Variants in SULT1C2 observed in about 807,000 individuals in gnomAD.
SULT1C2 encodes the protein sulfotransferase 1C2.
Under a neutral mutation model 36.0 loss-of-function variants are expected in SULT1C2, and 27 were observed. The ratio of observed to expected loss-of-function variants is 0.75; its 90% CI spans 0.55 to 1.03. SULT1C2 has a LOEUF of 1.03. Ranked by LOEUF, SULT1C2 falls within the 50% of genes least tolerant of loss-of-function variation. The pLI, the probability that SULT1C2 is intolerant of heterozygous loss-of-function variation, is 0.00. For synonymous variants in SULT1C2, 121 were observed against 116.0 expected (o/e 1.04, Z -0.27); for missense variants, 395 against 359.2 (o/e 1.10, Z -0.80).
intron 1 of SULT1C2, among the ~76,000 whole-genome samples, chr2:108,292,393 AACACACACACACACACAC>A (rs66462427): frequency 8.5e-4 from 113 of 133,452 alleles, no homozygotes; most frequent in African/African-American, 2.6e-3. Context: ...CAACAATGAC[AACACACACACACACACAC>A]ACACACACAC....
In SULT1C2 at chr2:108,300,529, G is replaced by C. The variant is rs4149424; in HGVS notation, c.278-309G>C. 3,909 of 406,058 alleles carry C rather than the reference G, an allele frequency of 9.6e-3. 100 individuals are homozygous for C. The highest frequency in any genetic ancestry group is 0.074 in the East Asian group (2,008 of 27,226). The allele number at this position is 406,058 out of a possible 1,614,324, so 25.2% of individuals were successfully genotyped here. ...ATCTCTGGCTGGCAGGAAGGTGAGG[G>C]AGTCCTCTCTTCTCTGGTCCTGGCT... On this transcript the variant is annotated intron_variant, in intron 3 of 7. Transcript: ENST00000251481.
At chr2:108,300,347 C>T in intron 3 of SULT1C2, 1 of 155,002 alleles carries the variant, frequency 6.5e-6, no homozygotes, top group Non-Finnish European at 1.4e-5. Context: ...CACTGCACTC[C>T]AGCCTGGTGA....
intron 7 of SULT1C2, among the ~76,000 whole-genome samples, chr2:108,307,848 T>C (rs1188359298): frequency 2.0e-5 from 3 of 152,124 alleles, no homozygotes; most frequent in African/African-American, 4.8e-5. Context: ...CCCAGAAAGT[T>C]CCCTCTTGTG....
chr2:108,290,418 G>A (rs114838385), intron 1 of SULT1C2, among the ~76,000 whole-genome samples: 1,801 of 152,244 alleles, frequency 0.012, 45 homozygotes, highest in African/African-American at 0.039. Context: ...TATGAATTAG[G>A]ACTTCAACAT....
chr2:108,305,273 G>A lies in SULT1C2; in HGVS notation c.597+7G>A, dbSNP rs769156357. The A allele has an allele frequency of 3.3e-5, 53 of 1,614,048 alleles. No individual in the cohort carries two copies. The highest frequency in any genetic ancestry group is 4.4e-5 in the Non-Finnish European group (52 of 1,180,026). ...CTATGAGGACATAAAGAGGGTGAGT[G>A]AAGGCTCTGCAGAAGAACCATTTTA... On this transcript the variant is annotated splice_region_variant and intron_variant, in intron 6 of 7. Transcript: ENST00000251481.
rs1306268131 is a variant in SULT1C2, at chr2:108,289,047, C to G, written c.-45C>G. The G allele has an allele frequency of 6.6e-6, 1 of 152,624 alleles. No homozygotes were observed. The highest frequency in any genetic ancestry group is 1.5e-5 in the Non-Finnish European group (1 of 68,042). 9.5% of individuals were successfully genotyped at this position (152,624 alleles called of 1,614,324 possible). On this transcript the variant is annotated 5_prime_UTR_variant, in exon 1 of 8. Transcript: ENST00000251481. The stretch of plus-strand genomic sequence containing the variant: ...GACCCTTGAGTGGGCCTTTGAGCTG[C>G]TGACTTTCAGCTGGAACTTGAAGGT...
intron 1 of SULT1C2, among the ~76,000 whole-genome samples, chr2:108,292,199 C>T (rs1191195719): frequency 6.6e-6 from 1 of 152,134 alleles, no homozygotes; most frequent in Non-Finnish European, 1.5e-5. Context: ...TTAATGTATA[C>T]AAGGCCTCAG....
intron 3 of SULT1C2, among the ~76,000 whole-genome samples, chr2:108,296,986 T>G (rs1676746858): frequency 6.6e-6 from 1 of 152,214 alleles, no homozygotes; most frequent in Non-Finnish European, 1.5e-5. Context: ...GTAGCCGTTC[T>G]GTGACAAAAG....
intron 7 of SULT1C2, among the ~76,000 whole-genome samples, chr2:108,307,841 A>T (rs1050596174): frequency 6.6e-6 from 1 of 152,196 alleles, no homozygotes; most frequent in Non-Finnish European, 1.5e-5. Flanking sequence ...TCATTACCCC[A>T]GAAAGTTCCC....
chr2:108,295,216 T>G (rs1462191819), intron 3 of SULT1C2, among the ~76,000 whole-genome samples: 1 of 152,234 alleles, frequency 6.6e-6, no homozygotes, highest in African/African-American at 2.4e-5. Context: ...CAGAATAGCC[T>G]TAAAGGATTT....
chr2:108,305,224 C>CA lies in SULT1C2; in HGVS notation c.556dup (p.Arg186LysfsTer10), dbSNP rs772402552. 1 of 1,614,152 alleles carries CA rather than the reference C, an allele frequency of 6.2e-7. No individual in the cohort carries two copies. The highest frequency in any genetic ancestry group is 1.1e-5 in the South Asian group (1 of 91,078). On this transcript the variant is annotated frameshift_variant, in exon 6 of 8. Coordinates refer to ENST00000251481, the MANE Select transcript of SULT1C2 (RefSeq NM_001056.4). LOFTEE classifies it high-confidence loss of function. Reference sequence around the variant, plus strand: ...TGAAAGGATGGTGGGAGATGAAAGACAGACACCAGATTCTCTTCCTCTTCT... The same window carrying CA: ...TGAAAGGATGGTGGGAGATGAAAGACAAGACACCAGATTCTCTTCCTCTTCT...
intron 3 of SULT1C2, chr2:108,298,727 A>C (rs1168914416): frequency 3.1e-6 from 1 of 318,888 alleles, no homozygotes; most frequent in Non-Finnish European, 6.1e-6. Flanking sequence ...TCTATTAGGT[A>C]CCCAATAACT....
Position 108,309,016 on chromosome 2 carries a change from A to C in SULT1C2, c.*552A>C, listed in dbSNP as rs1172805541. 1 of 152,510 alleles carries C rather than the reference A, an allele frequency of 6.6e-6. No homozygotes were observed. Among genetic ancestry groups the C allele is most frequent in the Non-Finnish European group, 1.5e-5 (1 of 68,252 alleles). The allele number at this position is 152,510 out of a possible 1,614,324, so 9.4% of individuals were successfully genotyped here. A position where few individuals can be genotyped will look rare whatever the true frequency, so the allele number is the denominator to read the frequency against. ...GGGTGGGAATAAAATGGAAGTGCAC[A>C]GAGGAGATGTCAGAAGACCAAAACT... On this transcript the variant is annotated 3_prime_UTR_variant, in exon 8 of 8. Transcript: ENST00000251481.
chr2:108,295,229 C>T (rs779292689), intron 3 of SULT1C2, among the ~76,000 whole-genome samples: 2 of 152,236 alleles, frequency 1.3e-5, no homozygotes, highest in African/African-American at 2.4e-5. Flanking sequence ...AAGGATTTTG[C>T]TTTCCCCTAT....
chr2:108,297,059 G>A (rs1676748933), intron 3 of SULT1C2, among the ~76,000 whole-genome samples: 1 of 152,234 alleles, frequency 6.6e-6, no homozygotes, highest in Non-Finnish European at 1.5e-5. Flanking sequence ...CTGTGTGCAT[G>A]TGTATGCATA....
At chr2:108,300,435 T>C (rs1417855138) in intron 3 of SULT1C2, 1 of 246,330 alleles carries the variant, frequency 4.1e-6, no homozygotes, top group Non-Finnish European at 7.7e-6. Context: ...TACATGTTTT[T>C]AGAGATGAAA....
intron 3 of SULT1C2, among the ~76,000 whole-genome samples, chr2:108,298,275 C>T (rs2104417365): frequency 6.6e-6 from 1 of 152,338 alleles, no homozygotes; most frequent in South Asian, 2.1e-4. Context: ...CTATTTAACC[C>T]TACTCATTGT....
intron 4 of SULT1C2, chr2:108,301,508 G>A (rs1676873037): frequency 6.6e-6 from 1 of 152,358 alleles, no homozygotes; most frequent in Admixed American, 6.5e-5. Flanking sequence ...GTGAACCCGG[G>A]AGGCGGAGCT....
chr2:108,298,135 C>G (rs1676782218), intron 3 of SULT1C2, among the ~76,000 whole-genome samples: 1 of 152,214 alleles, frequency 6.6e-6, no homozygotes, highest in Non-Finnish European at 1.5e-5. Context: ...ATTGACAGTC[C>G]AACTCCATCC....
Sources: gnomAD v4.1 joint callset for allele counts (sites outside exome capture counted in the v4.1 genomes callset) on GRCh38, gnomAD v4.1.1 for gene constraint, MANE v1.5 for transcripts, NCBI Gene and HGNC (gene_info 2026-07-23, HGNC 2026-07-21) for gene names.